The following CDKL3 variants were observed in gnomAD, a reference collection of about 807,000 sequenced individuals.
CDKL3 encodes the protein cyclin-dependent kinase-like 3.
Under a neutral mutation model 69.3 loss-of-function variants are expected in CDKL3, and 65 were observed. That is an observed-to-expected ratio of 0.94 (90% CI 0.77 to 1.15). The LOEUF (loss-of-function observed/expected upper bound fraction) is 1.15, where lower values mean the gene tolerates loss of function less well. CDKL3 is among the 50% of genes most tolerant of loss of function. The pLI is 0.00. For missense variants in CDKL3, 652 were observed against 689.2 expected, an observed-to-expected ratio of 0.95 and a Z score of 0.61; for synonymous variants, 202 against 221.6, an observed-to-expected ratio of 0.91 and a Z score of 0.79.
intron 3 of CDKL3, among the ~76,000 whole-genome samples, chr5:134,358,531 T>C (rs1755184260): frequency 8.8e-6 from 1 of 114,218 alleles, no homozygotes. Context: ...TTTCTTTTCC[T>C]TTTTTTTCTT....
chr5:134,328,368 C>T (rs529564769), intron 4 of CDKL3, among the ~76,000 whole-genome samples: 1 of 151,966 alleles, frequency 6.6e-6, no homozygotes, highest in African/African-American at 2.4e-5. Context: ...AGTGGAAACT[C>T]TGGAGTTGAA....
intron 8 of CDKL3, among the ~76,000 whole-genome samples, chr5:134,289,163 T>TAAAAAAAAAAAAAA (rs34873718): frequency 1.2e-5 from 1 of 80,316 alleles, no homozygotes; most frequent in Admixed American, 1.4e-4. Flanking sequence ...CCCTGTCTCA[T>TAAAAAAAAAAAAAA]AAAAAAAAAA....
chr5:134,299,899 T>C, intron 12 of CDKL3: 2 of 567,338 alleles, frequency 3.5e-6, no homozygotes, highest in Non-Finnish European at 6.1e-6. Context: ...TTCCTTATCA[T>C]TATCATCCAA....
At chr5:134,371,505 G>C, upstream of CDKL3, 3 of 1,504,768 alleles carry the variant, frequency 2.0e-6, no homozygotes, top group African/African-American at 1.4e-5. Flanking sequence ...CGGCGGCGGC[G>C]ATCCACAGTG....
intron 4 of CDKL3, among the ~76,000 whole-genome samples, chr5:134,349,273 C>T (rs1167339474): frequency 6.6e-6 from 1 of 152,124 alleles, no homozygotes; most frequent in African/African-American, 2.4e-5. Flanking sequence ...TATCCTCCTC[C>T]ATGTATTCTA....
At position 134,355,248 on chromosome 5, in the gene CDKL3, A is replaced by C. The variant is rs80197239; in HGVS notation, c.360+4649T>G. Among the ~76,000 whole-genome samples, 402 of 151,918 alleles carry C rather than the reference A, an allele frequency of 2.6e-3. 3 individuals are homozygous for C. The highest frequency in any genetic ancestry group is 9.4e-3 in the African/African-American group (388 of 41,480). Reference sequence around the variant, plus strand: ...ACTCTGTCTCAGGAAAAAAAAAAAAAAAAAAAAACAGATATAGTTCTTTAC... The same window carrying C: ...ACTCTGTCTCAGGAAAAAAAAAAAACAAAAAAAACAGATATAGTTCTTTAC... On this transcript the variant is annotated intron_variant, in intron 3 of 12. Transcript: ENST00000265334.
chr5:134,359,126 A>G (rs538859073), intron 3 of CDKL3, among the ~76,000 whole-genome samples: 15 of 152,200 alleles, frequency 9.9e-5, no homozygotes, highest in Non-Finnish European at 2.1e-4. Context: ...TCTCTACAAA[A>G]TATTGGCCAG....
At chr5:134,293,833 G>C (rs536157508), downstream of CDKL3, among the ~76,000 whole-genome samples, 4 of 151,796 alleles carry the variant, frequency 2.6e-5, 1 homozygote, top group South Asian at 8.3e-4. Flanking sequence ...AAATAGGCCA[G>C]GTACAGTGGT....
chr5:134,292,965 T>C (rs10479073), intron 8 of CDKL3, among the ~76,000 whole-genome samples: 146,481 of 146,888 alleles, frequency 1, 73,051 homozygotes, highest in Middle Eastern at 1. Flanking sequence ...CCTTTCACAG[T>C]GAAAACTCCA....
chr5:134,304,581 C>A lies in CDKL3; in HGVS notation c.1459-14G>T. ...CTCCATTTGGCTCTAAACAAACAAA[C>A]AAGAGTTAGTTGAAGAAATGTGTCT... On this transcript the variant is annotated splice_polypyrimidine_tract_variant and intron_variant, in intron 10 of 12. Transcript: ENST00000265334. 1 of 1,581,428 alleles carries A rather than the reference C, an allele frequency of 6.3e-7. No homozygotes were observed.
intron 4 of CDKL3, among the ~76,000 whole-genome samples, chr5:134,333,237 A>T (rs1034174882): frequency 3.3e-5 from 5 of 152,182 alleles, no homozygotes; most frequent in Admixed American, 2.0e-4. Context: ...GGGTTTTCTA[A>T]ATATACAATC....
At position 134,306,676 on chromosome 5, in the gene CDKL3, C is replaced by A. The variant is rs776106778; in HGVS notation, c.1391G>T (p.Arg464Leu). 1.9e-6 allele frequency: 3 copies of A among 1,564,546 alleles called. No homozygotes were observed. Among genetic ancestry groups the A allele is most frequent in the South Asian group, 2.4e-5 (2 of 83,964 alleles). The change falls in exon 10 of 13, where the codon CGC becomes CTC. Residue 464 changes from arginine to leucine, a missense_variant. By Grantham distance (102) the Arg-to-Leu change is moderately radical. Coordinates refer to ENST00000265334, the MANE Select transcript of CDKL3 (RefSeq NM_001113575.2). ...VRLTERAKKR[R>L]TSSQSIGQVM... is the part of the protein sequence containing the mutation. ...TTGTCCAATAGATTGTGAAGAAGTG[C>A]GTCTCTTTTTTGCTCTTTCAGTTAA...
intron 3 of CDKL3, among the ~76,000 whole-genome samples, chr5:134,357,930 T>C (rs1755018934): frequency 2.0e-5 from 3 of 152,098 alleles, no homozygotes; most frequent in Admixed American, 1.3e-4. Context: ...GAACCTTCAA[T>C]GGGCTGGATG....
chr5:134,306,875 C>T lies in CDKL3; in HGVS notation c.1365-173G>A, dbSNP rs180935863. Among the ~76,000 whole-genome samples, 96 of 151,240 alleles carry T rather than the reference C, an allele frequency of 6.3e-4. 1 individual carries two copies. The highest frequency in any genetic ancestry group is 2.1e-3 in the African/African-American group (85 of 41,248). On this transcript the variant is annotated intron_variant, in intron 9 of 12. Coordinates refer to ENST00000265334, the MANE Select transcript of CDKL3 (RefSeq NM_001113575.2). ...GTTCAAGTGATTCTCTTGCCTCAGC[C>T]TCCCAAGTAGCTGGGATTACTGGTG...
chr5:134,298,582 C>T lies in CDKL3; in HGVS notation c.*69G>A, dbSNP rs1765536242. ...CTTAACAACAACTCACATCACACTT[C>T]TATTGTAGATAAATAAAACGGGAAG... On this transcript the variant is annotated 3_prime_UTR_variant, in exon 13 of 13. Transcript: ENST00000265334. The T allele has an allele frequency of 6.3e-7, 1 of 1,581,222 alleles. No homozygotes were observed. The highest frequency in any genetic ancestry group is 8.6e-7 in the Non-Finnish European group (1 of 1,166,392).
upstream of CDKL3, chr5:134,371,589 G>T: frequency 6.2e-7 from 1 of 1,612,640 alleles, no homozygotes; most frequent in Non-Finnish European, 8.5e-7. Context: ...CGGGGCAGCT[G>T]CGGAGCATGT....
At chr5:134,294,495 A>T (rs1226146304), downstream of CDKL3, among the ~76,000 whole-genome samples, 1 of 152,236 alleles carries the variant, frequency 6.6e-6, no homozygotes, top group Non-Finnish European at 1.5e-5. Context: ...CACAAATACC[A>T]GCCAGTGCAA....
rs560696155 is a variant in CDKL3 at position 134,305,806 on chromosome 5, G to A, written c.1458+803C>T. Among the ~76,000 whole-genome samples, 3 of 152,236 alleles carry A rather than the reference G, an allele frequency of 2.0e-5. No homozygotes were observed. In the East Asian group the frequency reaches 5.8e-4, roughly 29 times the overall value. ...AATTTTGAATAAATCAATTTCCTAT[G>A]TAAAAAGTTGTGAGGTCCCATTAGC... is the stretch of plus-strand genomic sequence containing the variant. On this transcript the variant is annotated intron_variant, in intron 10 of 12. Transcript: ENST00000265334.
intron 12 of CDKL3, chr5:134,302,060 A>G (rs915543388): frequency 2.0e-5 from 9 of 446,546 alleles, no homozygotes; most frequent in African/African-American, 4.0e-5. Context: ...TCATTTGGAT[A>G]TTACAGGCTT....
Sources: allele counts gnomAD v4.1 joint callset (sites outside exome capture counted in the v4.1 genomes callset), GRCh38; gene constraint gnomAD v4.1.1; transcripts MANE v1.5; gene names NCBI Gene and HGNC (gene_info 2026-07-23, HGNC 2026-07-21).